The following DNAI7 variants were observed in gnomAD, a reference collection of about 807,000 sequenced individuals.
DNAI7 encodes the protein cancer susceptibility 1.
In DNAI7, 78 loss-of-function variants were observed where a neutral mutation model predicts 86.6. That is an observed-to-expected ratio of 0.90 (90% CI 0.75 to 1.09). DNAI7 has a LOEUF of 1.09. DNAI7 is among the 50% of genes least tolerant of loss of function. The pLI is 0.00. For synonymous variants in DNAI7, 274 were observed against 273.0 expected (o/e 1.00, Z -0.04); for missense variants, 753 against 810.2 (o/e 0.93, Z 0.86).
intron 12 of DNAI7, among the ~76,000 whole-genome samples, chr12:25,115,556 G>GT (rs1939915548): frequency 6.6e-6 from 1 of 151,908 alleles, no homozygotes; most frequent in Non-Finnish European, 1.5e-5. Context: ...AGATATGAAA[G>GT]GCTAATAAGT....
intron 9 of DNAI7, among the ~76,000 whole-genome samples, chr12:25,130,006 C>T (rs1180096359): frequency 6.6e-6 from 1 of 151,966 alleles, no homozygotes; most frequent in Non-Finnish European, 1.5e-5. Flanking sequence ...AGGTGATCCC[C>T]CTGCCTCGGC....
At chr12:25,165,424 G>A (rs1947345508) in intron 2 of DNAI7, among the ~76,000 whole-genome samples, 1 of 152,176 alleles carries the variant, frequency 6.6e-6, no homozygotes, top group Non-Finnish European at 1.5e-5. Flanking sequence ...CTTGCTACAA[G>A]TGCCAGAAAT....
chr12:25,149,755 A>C lies in DNAI7; in HGVS notation c.458T>G (p.Phe153Cys). ...ACATGGTGGAGTTTCCAGTAAAATA[A>C]ATTTCAATTTCTCAATTAACTGTAA... is the stretch of plus-strand genomic sequence containing the variant. ...VVLNLIEKLK[F>C]ILLETPPCDL... The change falls in exon 7 of 16, where the codon TTT (phenylalanine) becomes TGT (cysteine). Residue 153 changes from phenylalanine (F) to cysteine (C), a missense_variant. Phe to Cys is a radical substitution (Grantham distance 205). Transcript: ENST00000395987. 6.6e-7 allele frequency: 1 copy of C among 1,516,786 alleles called. No individual in the cohort carries two copies. Among genetic ancestry groups the C allele is most frequent in the Admixed American group, 1.7e-5 (1 of 57,880 alleles). 94.0% of individuals were successfully genotyped at this position (1,516,786 alleles called of 1,614,324 possible).
intron 7 of DNAI7, among the ~76,000 whole-genome samples, chr12:25,148,162 G>A (rs1945099603): frequency 6.6e-6 from 1 of 152,098 alleles, no homozygotes; most frequent in East Asian, 1.9e-4. Context: ...CAATTGTCTT[G>A]TAGAACTGTC....
intron 8 of DNAI7, among the ~76,000 whole-genome samples, chr12:25,144,976 AAGCCC>A (rs1944649656): frequency 1.3e-5 from 2 of 152,094 alleles, no homozygotes; most frequent in Non-Finnish European, 2.9e-5. Context: ...GCTCCATCCT[AAGCCC>A]TTTTTCTCCT....
chr12:25,137,749 T>C (rs10842482), intron 9 of DNAI7, among the ~76,000 whole-genome samples: 104,013 of 152,048 alleles, frequency 0.68, 39,640 homozygotes, highest in East Asian at 0.99. Flanking sequence ...GCTATTCTTA[T>C]ATCAGATAAA....
At chr12:25,164,052 T>C (rs1200785537) in intron 2 of DNAI7, among the ~76,000 whole-genome samples, 1 of 152,236 alleles carries the variant, frequency 6.6e-6, no homozygotes, top group African/African-American at 2.4e-5. Flanking sequence ...CAAGGACGCC[T>C]GCCTTGGTCC....
intron 13 of DNAI7, among the ~76,000 whole-genome samples, chr12:25,112,945 G>C (rs573483796): frequency 1.3e-5 from 2 of 152,130 alleles, no homozygotes; most frequent in African/African-American, 2.4e-5. Flanking sequence ...CTACTAACCT[G>C]AAAACGCACA....
At chr12:25,143,600 C>T (rs1011531140) in intron 9 of DNAI7, among the ~76,000 whole-genome samples, 1 of 152,134 alleles carries the variant, frequency 6.6e-6, no homozygotes, top group Admixed American at 6.6e-5. Context: ...TCTAATAATT[C>T]CTATTCTGAT....
chr12:25,167,236 C>CT (rs1947589112), intron 2 of DNAI7, among the ~76,000 whole-genome samples: 1 of 152,208 alleles, frequency 6.6e-6, no homozygotes, highest in African/African-American at 2.4e-5. Context: ...TTGTGGAAAT[C>CT]TATCCTCAAG....
chr12:25,120,008 G>T (rs945319049), intron 11 of DNAI7, among the ~76,000 whole-genome samples: 10 of 152,108 alleles, frequency 6.6e-5, no homozygotes, highest in South Asian at 2.1e-4. Flanking sequence ...GGACTCTTTG[G>T]GTTCAAGGGG....
At position 25,108,694 on chromosome 12, in the gene DNAI7, C is replaced by T. The variant is rs899026214; in HGVS notation, c.2023G>A (p.Glu675Lys). 1.2e-6 allele frequency: 2 copies of T among 1,613,468 alleles called. No individual in the cohort carries two copies. Among genetic ancestry groups the T allele is most frequent in the Admixed American group, 3.3e-5 (2 of 59,960 alleles). The change falls in exon 16 of 16, where the codon GAA becomes AAA. Residue 675 changes from glutamate to lysine, a missense_variant. Coordinates refer to ENST00000395987, the MANE Select transcript of DNAI7 (RefSeq NM_018272.5). ...SEAFSEALKE[E>K]TEFHSTLYHM... ...TATAAAGTAGAATGAAACTCAGTTT[C>T]TTCTTTAAGTGCTTCAGAAAATGCC...
intron 2 of DNAI7, among the ~76,000 whole-genome samples, chr12:25,164,855 CT>C (rs1374750107): frequency 1.3e-4 from 20 of 151,534 alleles, no homozygotes; most frequent in Non-Finnish European, 2.2e-4. Context: ...GCCTCCACTC[CT>C]CCACCCTATA....
At chr12:25,125,814 A>G (rs1208237612) in intron 9 of DNAI7, among the ~76,000 whole-genome samples, 1 of 152,122 alleles carries the variant, frequency 6.6e-6, no homozygotes, top group Admixed American at 6.5e-5. Context: ...TACAGTTTCA[A>G]TCTTCTGCAT....
chr12:25,122,465 AAAAG>A (rs869031314), intron 10 of DNAI7, among the ~76,000 whole-genome samples: 369 of 146,230 alleles, frequency 2.5e-3, no homozygotes, highest in African/African-American at 7.1e-3. Flanking sequence ...AAAAAAAAAA[AAAAG>A]AAGGAGAAGA....
intron 7 of DNAI7, among the ~76,000 whole-genome samples, chr12:25,148,665 T>A (rs1945147692): frequency 6.6e-6 from 1 of 152,190 alleles, no homozygotes; most frequent in African/African-American, 2.4e-5. Context: ...GTTTCTGAAG[T>A]ATCACTATAA....
chr12:25,175,019 C>T (rs1948802989), intron 2 of DNAI7, among the ~76,000 whole-genome samples: 1 of 151,842 alleles, frequency 6.6e-6, no homozygotes, highest in African/African-American at 2.4e-5. Context: ...GTGTATACTG[C>T]TCGGGTGATG....
At chr12:25,112,226 A>G (rs1318130273) in intron 13 of DNAI7, among the ~76,000 whole-genome samples, 1 of 152,150 alleles carries the variant, frequency 6.6e-6, no homozygotes, top group African/African-American at 2.4e-5. Context: ...TAATATAAGA[A>G]TATGCATATG....
At chr12:25,165,657 C>T (rs914074845) in intron 2 of DNAI7, among the ~76,000 whole-genome samples, 14 of 152,198 alleles carry the variant, frequency 9.2e-5, no homozygotes, top group African/African-American at 3.4e-4. Context: ...GCCTACGGGA[C>T]CATCACAGAT....
Sources: allele counts gnomAD v4.1 joint callset (sites outside exome capture counted in the v4.1 genomes callset), GRCh38; gene constraint gnomAD v4.1.1; transcripts MANE v1.5; gene names NCBI Gene and HGNC (gene_info 2026-07-23, HGNC 2026-07-21).